The following PDE9A variants were observed in gnomAD, a reference collection of about 807,000 sequenced individuals.
The protein encoded by PDE9A is high affinity cGMP-specific 3',5'-cyclic phosphodiesterase 9A.
PDE9A carries 60 observed loss-of-function variants against 87.4 expected under a neutral mutation model. That is an observed-to-expected ratio of 0.69 (90% CI 0.56 to 0.85). PDE9A has a LOEUF of 0.85. Among genes scored for constraint, PDE9A ranks in the 40% least tolerant of loss-of-function variants. PDE9A has a pLI of 0.00. For synonymous variants in PDE9A, 272 were observed against 279.4 expected (o/e 0.97, Z 0.27); for missense variants, 665 against 779.0 (o/e 0.85, Z 1.74).
Position 42,760,822 on chromosome 21 carries a change from C to T in PDE9A, c.1003-3C>T, listed in dbSNP as rs775018972. On this transcript the variant is annotated splice_polypyrimidine_tract_variant and splice_region_variant and intron_variant, in intron 12 of 19. Coordinates refer to ENST00000291539, the MANE Select transcript of PDE9A (RefSeq NM_002606.3). This position sits in a 1 kb window ranked among gnomAD's most constrained non-coding sequence, Gnocchi z 5.2. ...AACACCTACGCCCTGTTTTCCAATC[C>T]AGGAGAAGTTCTCACAAACGGATAT... The T allele has an allele frequency of 2.5e-6, 4 of 1,595,698 alleles. No homozygotes were observed. The Admixed American group carries it at 6.7e-5, about 27-fold the overall frequency.
In PDE9A at chr21:42,659,109, G is replaced by A. The variant is rs1036087036; in HGVS notation, c.69+5226G>A. On this transcript the variant is annotated intron_variant, in intron 1 of 19. Coordinates refer to ENST00000291539, the MANE Select transcript of PDE9A (RefSeq NM_002606.3). This position sits in a 1 kb window ranked among gnomAD's most constrained non-coding sequence, Gnocchi z 4.1. ...TACAGCAGGTGCTGTCTCGGAGAGG[G>A]CACAGGAAACTGGGCCCTTCCCAAT... Among the ~76,000 whole-genome samples the A allele has an allele frequency of 6.6e-6, 1 of 152,190 alleles. No homozygotes were observed. Among genetic ancestry groups the A allele is most frequent in the African/African-American group, 2.4e-5 (1 of 41,440 alleles).
At chr21:42,697,601 T>C (rs974258343) in intron 3 of PDE9A, 3 of 782,648 alleles carry the variant, frequency 3.8e-6, no homozygotes, top group African/African-American at 3.4e-5. Flanking sequence ...GTCTGGAGGC[T>C]GAAATCCAAG....
intron 4 of PDE9A, among the ~76,000 whole-genome samples, chr21:42,711,352 G>A (rs2049327800): frequency 1.3e-5 from 2 of 151,338 alleles, no homozygotes; most frequent in Non-Finnish European, 2.9e-5. Flanking sequence ...CCGGGTTCAA[G>A]TGATTCTCCT....
intron 19 of PDE9A, among the ~76,000 whole-genome samples, chr21:42,773,317 T>C (rs1433370932): frequency 6.7e-6 from 1 of 149,446 alleles, no homozygotes; most frequent in Admixed American, 6.7e-5. Context: ...CTTTAGTTAA[T>C]AGAAAAACAT....
chr21:42,695,233 T>C lies in PDE9A; in HGVS notation c.219-3735T>C, dbSNP rs2146285150. ...CCTAACGACCAACAAATATAAAAAG[T>C]CATAGCCCAACCATGATCAAATAAG... On this transcript the variant is annotated intron_variant, in intron 3 of 19. Coordinates refer to ENST00000291539, the MANE Select transcript of PDE9A (RefSeq NM_002606.3). The surrounding 1 kb of genome is among the most constrained non-coding windows in gnomAD (Gnocchi z 4.3). Among the ~76,000 whole-genome samples the C allele has an allele frequency of 6.6e-6, 1 of 152,262 alleles. No individual in the cohort carries two copies. Among genetic ancestry groups the C allele is most frequent in the East Asian group, 1.9e-4 (1 of 5,186 alleles).
rs753899055 is a variant in PDE9A, at chr21:42,704,785, C to T, written c.262+5774C>T. 1.4e-4 allele frequency among the ~76,000 whole-genome samples: 21 copies of T among 152,218 alleles called. No homozygotes were observed. The highest frequency in any genetic ancestry group is 8.5e-4 in the Admixed American group (13 of 15,286). On this transcript the variant is annotated intron_variant, in intron 4 of 19. Coordinates refer to ENST00000291539, the MANE Select transcript of PDE9A (RefSeq NM_002606.3). This position sits in a 1 kb window ranked among gnomAD's most constrained non-coding sequence, Gnocchi z 5.3. ...TGGGGGCAGGGTGCAGGGAGGCCAA[C>T]GCCACACAGCCCCACACCCAGCCTT...
intron 1 of PDE9A, among the ~76,000 whole-genome samples, chr21:42,671,728 T>C (rs1456516650): frequency 6.6e-6 from 1 of 152,156 alleles, no homozygotes; most frequent in Non-Finnish European, 1.5e-5. Flanking sequence ...TCTTGGGTAA[T>C]AAGAAAAAAC....
intron 1 of PDE9A, among the ~76,000 whole-genome samples, chr21:42,667,229 A>T (rs1394761816): frequency 6.6e-6 from 1 of 152,238 alleles, no homozygotes. Flanking sequence ...GAGGGGGTCC[A>T]ACTTCTAGCA....
chr21:42,663,025 A>G (rs1466105678), intron 1 of PDE9A, among the ~76,000 whole-genome samples: 3 of 147,014 alleles, frequency 2.0e-5, no homozygotes, highest in Non-Finnish European at 4.5e-5. Context: ...ACACGCACAT[A>G]TCACACACAT....
rs748788608 is a variant in PDE9A at position 42,670,717 on chromosome 21, TCA to T, written c.70-15472_70-15471del. On this transcript the variant is annotated intron_variant, in intron 1 of 19. Transcript: ENST00000291539. ...CACACACTCACACATACACTTACAC[TCA>T]CAGTCACATACACCCACATTCACAC... Among the ~76,000 whole-genome samples the T allele has an allele frequency of 2.0e-3, 303 of 150,266 alleles. 1 individual carries two copies. The highest frequency in any genetic ancestry group is 5.9e-3 in the African/African-American group (240 of 40,828).
chr21:42,747,830 T>C (rs2054026880), intron 8 of PDE9A, among the ~76,000 whole-genome samples: 2 of 152,180 alleles, frequency 1.3e-5, no homozygotes, highest in South Asian at 4.1e-4. Context: ...CCCAAACAAA[T>C]GGCCTTGCCC....
chr21:42,769,424 ACT>A (rs978007854), intron 17 of PDE9A, among the ~76,000 whole-genome samples: 5 of 141,520 alleles, frequency 3.5e-5, no homozygotes, highest in East Asian at 4.3e-4. Flanking sequence ...ACAGGCACAC[ACT>A]CGTGCACACA....
chr21:42,675,468 T>C lies in PDE9A; in HGVS notation c.70-10724T>C, dbSNP rs1301542831. On this transcript the variant is annotated intron_variant, in intron 1 of 19. Transcript: ENST00000291539. The surrounding 1 kb of genome is among the most constrained non-coding windows in gnomAD (Gnocchi z 4.3). ...AAGCACCAGAATGGTGCCTGGCACT[T>C]AATAAATGCTCTTATTAGTATGTTT... is the stretch of plus-strand genomic sequence containing the variant. Among the ~76,000 whole-genome samples the C allele has an allele frequency of 1.3e-5, 2 of 152,356 alleles. No individual in the cohort carries two copies. Among genetic ancestry groups the C allele is most frequent in the East Asian group, 3.9e-4 (2 of 5,188 alleles).
At chr21:42,764,760 G>A (rs1190132437) in intron 14 of PDE9A, among the ~76,000 whole-genome samples, 1 of 152,118 alleles carries the variant, frequency 6.6e-6, no homozygotes, top group East Asian at 1.9e-4. Flanking sequence ...AGGAATAACT[G>A]AATAAATGCT....
intron 14 of PDE9A, among the ~76,000 whole-genome samples, chr21:42,764,274 T>C (rs1213331392): frequency 1.3e-5 from 2 of 152,192 alleles, no homozygotes; most frequent in Non-Finnish European, 2.9e-5. Flanking sequence ...AATCACTGGT[T>C]CCCAGTACAG....
intron 1 of PDE9A, among the ~76,000 whole-genome samples, chr21:42,662,622 C>CCA (rs1267577792): frequency 1.4e-4 from 20 of 138,102 alleles, no homozygotes; most frequent in Non-Finnish European, 2.4e-4. Flanking sequence ...ACCACACACA[C>CCA]CACACACCAC....
At chr21:42,689,521 G>A in intron 3 of PDE9A, 1 of 985,348 alleles carries the variant, frequency 1.0e-6, no homozygotes, top group Non-Finnish European at 1.2e-6. Flanking sequence ...TGATCTCTCA[G>A]AGGGGACCTC....
chr21:42,752,621 G>A (rs968928011), intron 9 of PDE9A, among the ~76,000 whole-genome samples: 6 of 152,102 alleles, frequency 3.9e-5, no homozygotes, highest in Non-Finnish European at 8.8e-5. Flanking sequence ...AATATGCCCC[G>A]CGCTTCTCAG....
intron 4 of PDE9A, among the ~76,000 whole-genome samples, chr21:42,727,823 T>C (rs1053689813): frequency 2.0e-5 from 3 of 152,212 alleles, no homozygotes; most frequent in Non-Finnish European, 4.4e-5. Context: ...AGACAACATG[T>C]CATTGGCAAA....
Sources: allele counts gnomAD v4.1 joint callset (sites outside exome capture counted in the v4.1 genomes callset), GRCh38; gene constraint gnomAD v4.1.1; non-coding constraint Gnocchi (gnomAD v3.1); transcripts MANE v1.5; gene names NCBI Gene and HGNC (gene_info 2026-07-23, HGNC 2026-07-21).